KCNN2: variants seen among roughly 807,000 people sequenced by gnomAD.
KCNN2 encodes the protein small conductance calcium-activated potassium channel protein 2.
KCNN2 carries 24 observed loss-of-function variants against 55.5 expected under a neutral mutation model. The ratio of observed to expected loss-of-function variants is 0.43; its 90% CI spans 0.31 to 0.61. KCNN2 has a LOEUF of 0.61. KCNN2 is among the 20% of genes least tolerant of loss of function. The pLI is 0.08. For synonymous variants in KCNN2, 431 were observed against 336.1 expected, an observed-to-expected ratio of 1.28 and a Z score of -3.09; for missense variants, 754 against 853.6, an observed-to-expected ratio of 0.88 and a Z score of 1.45.
chr5:114,133,545 G>A (rs761663646), intron 1 of KCNN2, among the ~76,000 whole-genome samples: 1 of 152,126 alleles, frequency 6.6e-6, no homozygotes, highest in Non-Finnish European at 1.5e-5. Context: ...TGAGTGCTGT[G>A]TTGGTCACTT....
intron 1 of KCNN2, among the ~76,000 whole-genome samples, chr5:114,082,809 C>A (rs1348300576): frequency 1.3e-5 from 2 of 152,116 alleles, no homozygotes; most frequent in Non-Finnish European, 2.9e-5. Context: ...AAGACAATCA[C>A]AAAGTTGAAT....
intron 3 of KCNN2, among the ~76,000 whole-genome samples, chr5:114,405,557 G>C (rs1165786288): frequency 6.6e-6 from 1 of 152,180 alleles, no homozygotes; most frequent in African/African-American, 2.4e-5. Context: ...AGCAGGAATA[G>C]TTGTCTCATA....
At chr5:114,464,623 C>A (rs750088181) in intron 4 of KCNN2, among the ~76,000 whole-genome samples, 1 of 152,068 alleles carries the variant, frequency 6.6e-6, no homozygotes, top group Non-Finnish European at 1.5e-5. Flanking sequence ...CCTTCTCCCC[C>A]CTCGGTAGTG....
chr5:114,219,564 A>C (rs1754087026), intron 1 of KCNN2, among the ~76,000 whole-genome samples: 2 of 152,190 alleles, frequency 1.3e-5, no homozygotes, highest in Middle Eastern at 3.4e-3. Flanking sequence ...CTTCTCTCCA[A>C]TGTCCAGCTG....
intron 1 of KCNN2, among the ~76,000 whole-genome samples, chr5:114,196,754 A>G (rs1190515438): frequency 2.0e-5 from 3 of 151,938 alleles, no homozygotes; most frequent in South Asian, 4.1e-4. Context: ...TTTCATCAAA[A>G]TATTTGTCCA....
chr5:114,059,039 T>C (rs556495684), intron 1 of KCNN2, among the ~76,000 whole-genome samples: 19 of 152,080 alleles, frequency 1.2e-4, no homozygotes, highest in Non-Finnish European at 1.5e-4. Context: ...TTTTTCAAAT[T>C]GCACAGAGAG....
At chr5:114,393,698 A>G (rs906028979) in intron 2 of KCNN2, among the ~76,000 whole-genome samples, 7 of 152,046 alleles carry the variant, frequency 4.6e-5, no homozygotes, top group East Asian at 1.9e-4. Flanking sequence ...GTATTCTTTC[A>G]GAGATACTTT....
chr5:114,140,112 G>C (rs963616118), intron 1 of KCNN2, among the ~76,000 whole-genome samples: 1 of 151,944 alleles, frequency 6.6e-6, no homozygotes, highest in Non-Finnish European at 1.5e-5. Flanking sequence ...GTTATTGGAA[G>C]TTAATAAAAA....
chr5:114,446,431 C>T (rs1215648756), intron 3 of KCNN2, among the ~76,000 whole-genome samples: 4 of 152,136 alleles, frequency 2.6e-5, no homozygotes, highest in East Asian at 1.9e-4. Flanking sequence ...TCCAACATGG[C>T]AGCCAATAAC....
chr5:114,144,476 AAAAT>A (rs1157708247), intron 1 of KCNN2, among the ~76,000 whole-genome samples: 3 of 152,148 alleles, frequency 2.0e-5, no homozygotes, highest in South Asian at 2.1e-4. Context: ...AATTAATGTA[AAAAT>A]AAATAGTTTA....
intron 2 of KCNN2, among the ~76,000 whole-genome samples, chr5:114,343,912 G>A (rs1472088156): frequency 6.6e-6 from 1 of 152,124 alleles, no homozygotes; most frequent in African/African-American, 2.4e-5. Context: ...GGTCCTAGGG[G>A]ATTTTCTCTT....
chr5:114,209,048 T>G (rs1335541887), intron 1 of KCNN2, among the ~76,000 whole-genome samples: 1 of 147,600 alleles, frequency 6.8e-6, no homozygotes, highest in African/African-American at 2.5e-5. Context: ...TGATACACTG[T>G]TGGTGACTTC....
At chr5:114,089,101 A>G (rs1751082619) in intron 1 of KCNN2, among the ~76,000 whole-genome samples, 1 of 117,492 alleles carries the variant, frequency 8.5e-6, no homozygotes, top group Non-Finnish European at 1.9e-5. Flanking sequence ...GTCAGTTATC[A>G]GTGTAGTTTT....
intron 2 of KCNN2, among the ~76,000 whole-genome samples, chr5:114,226,833 G>A (rs6892773): frequency 0.36 from 53,338 of 149,864 alleles, 10,084 homozygotes; most frequent in East Asian, 0.73. Flanking sequence ...CCCAGGAGGT[G>A]GAGCTTGCAG....
intron 1 of KCNN2, among the ~76,000 whole-genome samples, chr5:114,216,162 A>G (rs1408650642): frequency 6.6e-6 from 1 of 152,174 alleles, no homozygotes; most frequent in Non-Finnish European, 1.5e-5. Context: ...CATCAGTCCA[A>G]CATTACTACA....
At chr5:114,284,958 C>G (rs1332097405) in intron 2 of KCNN2, among the ~76,000 whole-genome samples, 1 of 151,928 alleles carries the variant, frequency 6.6e-6, no homozygotes, top group African/African-American at 2.4e-5. Flanking sequence ...GCTACCCAGT[C>G]TGTAGGATTT....
intron 3 of KCNN2, among the ~76,000 whole-genome samples, chr5:114,444,998 C>G (rs865930294): frequency 6.6e-6 from 1 of 152,128 alleles, no homozygotes; most frequent in Non-Finnish European, 1.5e-5. Context: ...ATTTAGAACA[C>G]AAAGTTTAGA....
intron 3 of KCNN2, among the ~76,000 whole-genome samples, chr5:114,429,159 T>A (rs971796109): frequency 6.6e-6 from 1 of 152,086 alleles, no homozygotes; most frequent in Non-Finnish European, 1.5e-5. Flanking sequence ...TCTTCCAAAG[T>A]GACATACCAT....
At chr5:114,131,672 G>A (rs565662109) in intron 1 of KCNN2, among the ~76,000 whole-genome samples, 48 of 152,134 alleles carry the variant, frequency 3.2e-4, no homozygotes, top group Non-Finnish European at 3.4e-4. Flanking sequence ...GGGTCAAATG[G>A]TATTTCTGGT....
Sources: allele counts gnomAD v4.1 joint callset (sites outside exome capture counted in the v4.1 genomes callset), GRCh38; gene constraint gnomAD v4.1.1; transcripts MANE v1.5; gene names NCBI Gene and HGNC (gene_info 2026-07-23, HGNC 2026-07-21).